Variants in ATG5 observed in about 807,000 individuals in gnomAD.
The protein encoded by ATG5 is autophagy protein 5.
In ATG5, 14 loss-of-function variants were observed where a neutral mutation model predicts 36.5. The observed-to-expected ratio is 0.38, with a 90% CI of 0.25 to 0.60. The LOEUF is 0.60. Among genes scored for constraint, ATG5 ranks in the 20% least tolerant of loss-of-function variants. The probability of loss-of-function intolerance (pLI) is 0.60; values close to 1 mark genes in which losing one functional copy is unlikely to be tolerated. For missense variants in ATG5, 195 were observed against 326.7 expected (o/e 0.60, Z 3.11); for synonymous variants, 95 against 101.5 (o/e 0.94, Z 0.38).
intron 7 of ATG5, among the ~76,000 whole-genome samples, chr6:106,198,200 T>C (rs575024431): frequency 5.3e-5 from 8 of 152,286 alleles, no homozygotes; most frequent in South Asian, 2.1e-4. Context: ...TTCTGTAGCC[T>C]GAGTTCAAAA....
intron 6 of ATG5, among the ~76,000 whole-genome samples, chr6:106,207,889 C>T (rs182293598): frequency 1.7e-4 from 26 of 152,170 alleles, no homozygotes; most frequent in Admixed American, 3.9e-4. Flanking sequence ...GTCGGGAGTC[C>T]GAGACCAGCC....
intron 3 of ATG5, among the ~76,000 whole-genome samples, chr6:106,299,205 G>T (rs886512331): frequency 2.0e-5 from 3 of 152,120 alleles, no homozygotes; most frequent in Non-Finnish European, 4.4e-5. Flanking sequence ...ATATTAAATG[G>T]CATAGTATTT....
intron 3 of ATG5, among the ~76,000 whole-genome samples, chr6:106,306,582 A>G (rs1406969520): frequency 6.6e-6 from 1 of 152,268 alleles, no homozygotes; most frequent in Non-Finnish European, 1.5e-5. Flanking sequence ...AAATGTCAGT[A>G]GTGACCCTAT....
At chr6:106,226,064 G>T (rs1276981546) in intron 6 of ATG5, among the ~76,000 whole-genome samples, 1 of 152,184 alleles carries the variant, frequency 6.6e-6, no homozygotes, top group Non-Finnish European at 1.5e-5. Context: ...TGTACAAGAA[G>T]AAAGTAAAAT....
chr6:106,289,849 G>C (rs925847810), intron 4 of ATG5, among the ~76,000 whole-genome samples: 7 of 152,058 alleles, frequency 4.6e-5, no homozygotes, highest in Non-Finnish European at 8.8e-5. Context: ...ACAACCAATG[G>C]ATTACCTTAA....
intron 3 of ATG5, among the ~76,000 whole-genome samples, chr6:106,298,507 T>A (rs1770070779): frequency 6.6e-6 from 1 of 151,992 alleles, no homozygotes; most frequent in African/African-American, 2.4e-5. Flanking sequence ...GCCAAGATAG[T>A]GCGACTGCAC....
chr6:106,250,228 T>A (rs1778518134), intron 5 of ATG5, among the ~76,000 whole-genome samples: 1 of 152,228 alleles, frequency 6.6e-6, no homozygotes, highest in South Asian at 2.1e-4. Context: ...AATCTATTGA[T>A]TCTGCTTAAA....
chr6:106,263,190 T>TAA (rs1368166461), intron 5 of ATG5, among the ~76,000 whole-genome samples: 6 of 152,196 alleles, frequency 3.9e-5, no homozygotes, highest in Non-Finnish European at 8.8e-5. Context: ...GAGGCTTTAC[T>TAA]AGGCAGTTTT....
intron 3 of ATG5, among the ~76,000 whole-genome samples, chr6:106,300,709 A>C (rs898161444): frequency 1.3e-5 from 2 of 152,138 alleles, no homozygotes; most frequent in Non-Finnish European, 2.9e-5. Flanking sequence ...CACAATGATA[A>C]GTATGTATGC....
At position 106,235,824 on chromosome 6, in the gene ATG5, T is replaced by C. The variant is rs148255429; in HGVS notation, c.573+12326A>G. Among the ~76,000 whole-genome samples, 52 of 149,378 alleles carry C rather than the reference T, an allele frequency of 3.5e-4. 4 individuals carry two copies. The East Asian group carries it at 0.01, about 29-fold the overall frequency. ...AAATATTGCAACTGCAAAAAAAAAA[T>C]AGCTTAATTGAAGAATAAATTAATA... On this transcript the variant is annotated intron_variant, in intron 6 of 7. Transcript: ENST00000369076.
At chr6:106,196,508 G>A (rs1397974037) in intron 7 of ATG5, among the ~76,000 whole-genome samples, 1 of 152,102 alleles carries the variant, frequency 6.6e-6, no homozygotes, top group Non-Finnish European at 1.5e-5. Context: ...TGAATCACTT[G>A]AGGCCAGGAG....
intron 5 of ATG5, among the ~76,000 whole-genome samples, chr6:106,265,067 AC>A (rs1163246814): frequency 2.0e-5 from 3 of 151,662 alleles, no homozygotes; most frequent in African/African-American, 7.3e-5. Context: ...AAGCGTCAAG[AC>A]CCATCAGTGT....
chr6:106,209,388 A>T (rs1301791925), intron 6 of ATG5, among the ~76,000 whole-genome samples: 1 of 152,230 alleles, frequency 6.6e-6, no homozygotes, highest in Non-Finnish European at 1.5e-5. Flanking sequence ...CAACTTGGAT[A>T]GATCTCAAGG....
intron 5 of ATG5, among the ~76,000 whole-genome samples, chr6:106,258,505 G>C (rs1272215715): frequency 1.3e-5 from 2 of 152,112 alleles, no homozygotes; most frequent in Non-Finnish European, 2.9e-5. Context: ...CACTTGTAAA[G>C]AATTTAGCAA....
chr6:106,254,398 G>T (rs1411710938), intron 5 of ATG5, among the ~76,000 whole-genome samples: 1 of 152,160 alleles, frequency 6.6e-6, no homozygotes, highest in South Asian at 2.1e-4. Flanking sequence ...TTCAGCCCTA[G>T]AAAGTTCTAC....
chr6:106,215,612 T>C (rs1472595328), intron 6 of ATG5, among the ~76,000 whole-genome samples: 2 of 151,932 alleles, frequency 1.3e-5, no homozygotes, highest in African/African-American at 4.8e-5. Flanking sequence ...TTGAATACTA[T>C]TAAAAATATA....
intron 7 of ATG5, among the ~76,000 whole-genome samples, chr6:106,194,911 G>C (rs549598815): frequency 7.9e-5 from 12 of 152,082 alleles, no homozygotes; most frequent in African/African-American, 2.9e-4. Context: ...TATTTTTAAT[G>C]TACAAAGAAA....
At chr6:106,318,206 G>C (rs1770931018) in intron 1 of ATG5, among the ~76,000 whole-genome samples, 1 of 152,058 alleles carries the variant, frequency 6.6e-6, no homozygotes, top group African/African-American at 2.4e-5. Context: ...TAATCTGATT[G>C]GTCAGATTCC....
At chr6:106,280,611 G>A (rs1359675428) in intron 4 of ATG5, among the ~76,000 whole-genome samples, 3 of 152,114 alleles carry the variant, frequency 2.0e-5, no homozygotes, top group South Asian at 2.1e-4. Context: ...TAAATGAGAC[G>A]ACTGATGCAC....
Sources: gnomAD v4.1 joint callset for allele counts (sites outside exome capture counted in the v4.1 genomes callset) on GRCh38, gnomAD v4.1.1 for gene constraint, MANE v1.5 for transcripts, NCBI Gene and HGNC (gene_info 2026-07-23, HGNC 2026-07-21) for gene names.